Variants in MMP19 observed in about 807,000 individuals in gnomAD.
MMP19 encodes the protein matrix metalloproteinase-19.
MMP19 carries 47 observed loss-of-function variants against 46.6 expected under a neutral mutation model. The ratio of observed to expected loss-of-function variants is 1.01; its 90% confidence interval spans 0.80 to 1.29. MMP19 has a LOEUF of 1.29. MMP19 is among the 50% of genes most tolerant of loss of function. The probability of loss-of-function intolerance (pLI) is 0.00; values close to 1 mark genes in which losing one functional copy is unlikely to be tolerated. For synonymous variants in MMP19, 222 were observed against 248.5 expected (o/e 0.89, Z 1.00); for missense variants, 589 against 643.5 (o/e 0.92, Z 0.92).
chr12:55,837,909 C>T lies in MMP19; in HGVS notation c.994G>A (p.Gly332Arg), dbSNP rs778625522. 3.7e-6 allele frequency: 6 copies of T among 1,613,200 alleles called. No homozygotes were observed. The African/African-American group carries it at 5.3e-5, about 14-fold the overall frequency. Reference protein sequence around the residue: ...PLFRVSALWEGLPGNLDAAVY... With the variant: ...PLFRVSALWERLPGNLDAAVY... ...GCAGCATCCAGGTTTCCGGGGAGCC[C>T]CTCCCAAAGGGCAGACACTCGGAAC... is the stretch of plus-strand genomic sequence containing the variant. Residue 332 changes from glycine to arginine, a missense_variant, in exon 7 of 9, where the codon GGG (glycine) becomes AGG (arginine). Transcript: ENST00000322569.
chr12:55,837,966 A>G lies in MMP19; in HGVS notation c.937T>C (p.Trp313Arg). The change falls in exon 7 of 9, where the codon TGG becomes CGG. Residue 313 changes from tryptophan (W) to arginine (R), a missense_variant. Trp to Arg is a moderately radical substitution (Grantham distance 101). Transcript: ENST00000322569. ...KTYAFKGDYV[W>R]TVSDSGPGPL... is the part of the protein sequence containing the mutation. ...CCCGGTCCTGAATCTGATACAGTCC[A>G]CACATAGTCCCCCTTGAAAGCATAG... 1 of 1,602,060 alleles carries G rather than the reference A, an allele frequency of 6.2e-7. No individual in the cohort carries two copies. The highest frequency in any genetic ancestry group is 2.2e-5 in the East Asian group (1 of 44,502).
At position 55,837,135 on chromosome 12, in the gene MMP19, AGTCCGG is replaced by A. The variant is rs1881277303; in HGVS notation, c.1422_1427del (p.Arg475_Thr476del). 1.1e-5 allele frequency: 18 copies of A among 1,614,112 alleles called. No individual in the cohort carries two copies. Among genetic ancestry groups the A allele is most frequent in the Non-Finnish European group, 1.5e-5 (18 of 1,180,002 alleles). Reference sequence around the variant, plus strand: ...TCCCACCTGATGGGGTAGTGTCTATAGTCCGGGGACGACAGTGCATCCAGTTGTGGG... The same window carrying A: ...TCCCACCTGATGGGGTAGTGTCTATAGGACGACAGTGCATCCAGTTGTGGG... On this transcript the variant is annotated inframe_deletion, in exon 9 of 9. Transcript: ENST00000322569.
chr12:55,840,738 C>T lies in MMP19; in HGVS notation c.449G>A (p.Gly150Asp), dbSNP rs1377402838. ...GAAGGAGAGGCGGATGTCAGCCGCA[C>T]CAGCCTGCACCTCTTGGAAGGTCAA... ...APLTFQEVQA[G>D]AADIRLSFHG... is the part of the protein sequence containing the mutation. The change falls in exon 4 of 9, where the codon GGT becomes GAT. Residue 150 changes from glycine to aspartate, a missense_variant. Physicochemically the swap from Gly to Asp is moderately conservative, Grantham distance 94. Transcript: ENST00000322569. 1 of 1,614,034 alleles carries T rather than the reference C, an allele frequency of 6.2e-7. No homozygotes were observed.
chr12:55,840,394 A>ACGG (rs1881594866), intron 4 of MMP19, among the ~76,000 whole-genome samples: 1 of 118,870 alleles, frequency 8.4e-6, no homozygotes, highest in Non-Finnish European at 1.7e-5. Flanking sequence ...GGAGAGAGAG[A>ACGG]AGGAGAGAAG....
intron 4 of MMP19, among the ~76,000 whole-genome samples, chr12:55,840,276 T>A (rs1881583233): frequency 1.4e-5 from 2 of 147,740 alleles, no homozygotes; most frequent in Admixed American, 1.4e-4. Flanking sequence ...ATTGTGTCAC[T>A]GTACTCCAGT....
At chr12:55,840,604 G>A in intron 4 of MMP19, 63 bp downstream of exon 4, 1 of 1,498,750 alleles carries the variant, frequency 6.7e-7, no homozygotes, top group Non-Finnish European at 9.2e-7. Flanking sequence ...TAGAGTCACT[G>A]GTTCAAGGAG....
At chr12:55,839,345 A>T in intron 5 of MMP19, 151 bp downstream of exon 5, 1 of 934,462 alleles carries the variant, frequency 1.1e-6, no homozygotes, top group East Asian at 2.6e-5. Flanking sequence ...TCTGAGAAAA[A>T]CTGCTCCTGA....
At chr12:55,842,700 C>G in intron 1 of MMP19, 44 bp downstream of exon 1, 1 of 1,492,932 alleles carries the variant, frequency 6.7e-7, no homozygotes, top group Non-Finnish European at 9.2e-7. Context: ...GAGCAGTAAC[C>G]CCTGTCCCTC....
intron 5 of MMP19, 136 bp downstream of exon 5, chr12:55,839,360 G>A: frequency 9.1e-7 from 1 of 1,104,790 alleles, no homozygotes; most frequent in East Asian, 2.6e-5. Context: ...TCCTGAAAAT[G>A]AAGAAGCCTG....
At position 55,838,006 on chromosome 12, in the gene MMP19, C is replaced by A. The variant is rs1881385138; in HGVS notation, c.897G>T (p.Gly299=). 6.3e-7 allele frequency: 1 copy of A among 1,578,588 alleles called. No homozygotes were observed. The highest frequency in any genetic ancestry group is 8.7e-7 in the Non-Finnish European group (1 of 1,155,708). Residue 299 remains glycine (G), a splice_region_variant and synonymous_variant, in exon 7 of 9, where the codon GGG becomes GGT. Coordinates refer to ENST00000322569, the MANE Select transcript of MMP19 (RefSeq NM_002429.6). ...CSSELDAMML[G]PRGKTYAFKG... ...TGAAAGCATAGGTCTTCCCACGGGGCCCTGAGCGTAATGGTGTGTCAACAA... is the reference window on the plus strand; with the variant it reads ...TGAAAGCATAGGTCTTCCCACGGGGACCTGAGCGTAATGGTGTGTCAACAA...
chr12:55,837,371 A>G lies in MMP19; in HGVS notation c.1192T>C (p.Ser398Pro). 6.3e-7 allele frequency: 1 copy of G among 1,597,784 alleles called. No individual in the cohort carries two copies. ...LNQKVFLFKG[S>P]GYWQWDELAR... is the part of the protein sequence containing the mutation. ...AGCTCGTCCCACTGCCAGTACCCGG[A>G]GCCCTGGATATGGGATGGGTGGGGA... is the stretch of plus-strand genomic sequence containing the variant. Residue 398 changes from serine to proline, a missense_variant, in exon 9 of 9, where the codon TCC becomes CCC. Ser to Pro is a moderately conservative substitution (Grantham distance 74). Coordinates refer to ENST00000322569, the MANE Select transcript of MMP19 (RefSeq NM_002429.6).
chr12:55,839,011 G>C (rs1459917918), intron 5 of MMP19, among the ~76,000 whole-genome samples: 2 of 152,016 alleles, frequency 1.3e-5, no homozygotes. Flanking sequence ...AGGCTGAGGC[G>C]GGTGGATTGC....
chr12:55,838,101 C>T (rs1881395220), intron 6 of MMP19, 94 bp from the exon 7 acceptor site: 1 of 1,194,210 alleles, frequency 8.4e-7, no homozygotes, highest in Non-Finnish European at 1.2e-6. Context: ...TTTGCCCTCT[C>T]CCTGCAGGCT....
intron 5 of MMP19, among the ~76,000 whole-genome samples, 188 bp downstream of exon 5, chr12:55,839,308 C>T (rs1565697324): frequency 6.6e-6 from 1 of 151,486 alleles, no homozygotes; most frequent in Non-Finnish European, 1.5e-5. Flanking sequence ...GGAGAGAGGC[C>T]TGGAAGGAAG....
intron 4 of MMP19, 23 bp downstream of exon 4, chr12:55,840,643 TG>T (rs753254837): frequency 6.2e-7 from 1 of 1,603,126 alleles, no homozygotes; most frequent in African/African-American, 1.3e-5. Context: ...GTCTATGAGG[TG>T]GGAACTGAGA....
chr12:55,838,630 T>A lies in MMP19; in HGVS notation c.871A>T (p.Ser291Cys), dbSNP rs752893251. The change falls in exon 6 of 9, where the codon AGT becomes TGT. Residue 291 changes from serine to cysteine, a missense_variant. Transcript: ENST00000322569. ...EPSPMPDPCSSELDAMMLGPR... is the reference protein window; with the variant it reads ...EPSPMPDPCSCELDAMMLGPR... Reference sequence around the variant, plus strand: ...CCCAGCATCATGGCATCCAGTTCACTACTGCAAGGGTCTGGCATGGGACTG... The same window carrying A: ...CCCAGCATCATGGCATCCAGTTCACAACTGCAAGGGTCTGGCATGGGACTG... 2 of 1,614,080 alleles carry A rather than the reference T, an allele frequency of 1.2e-6. No homozygotes were observed. Among genetic ancestry groups the A allele is most frequent in the Non-Finnish European group, 1.7e-6 (2 of 1,180,040 alleles).
intron 2 of MMP19, 61 bp from the exon 3 acceptor site, chr12:55,841,297 A>G: frequency 6.3e-7 from 1 of 1,576,372 alleles, no homozygotes; most frequent in Admixed American, 1.7e-5. Flanking sequence ...CTGGGAGATG[A>G]TTGCTCTTTG....
At chr12:55,841,004 A>G (rs1269873172) in intron 3 of MMP19, 102 bp downstream of exon 3, 3 of 1,549,224 alleles carry the variant, frequency 1.9e-6, no homozygotes, top group Non-Finnish European at 2.6e-6. Context: ...CCAGGTGATT[A>G]TCTATTCAAC....
intron 6 of MMP19, chr12:55,838,331 G>C (rs910121333): frequency 7.2e-6 from 5 of 697,516 alleles, no homozygotes; most frequent in African/African-American, 1.8e-5. Flanking sequence ...CAGGCAATCT[G>C]GGTAATATAG....
Sources: allele counts gnomAD v4.1 joint callset (sites outside exome capture counted in the v4.1 genomes callset), GRCh38; gene constraint gnomAD v4.1.1; transcripts MANE v1.5; gene names NCBI Gene and HGNC (gene_info 2026-07-23, HGNC 2026-07-21).